Variants in UNC80 observed in about 807,000 individuals in gnomAD.
The protein encoded by UNC80 is protein unc-80 homolog.
Under a neutral mutation model 384.6 loss-of-function variants are expected in UNC80, and 164 were observed. That is an observed-to-expected ratio of 0.43 (90% CI 0.38 to 0.49). UNC80 has a LOEUF of 0.49. Ranked by LOEUF, UNC80 falls within the 20% of genes least tolerant of loss-of-function variation. The probability of loss-of-function intolerance (pLI) is 0.00; values close to 1 mark genes in which losing one functional copy is unlikely to be tolerated. For synonymous variants in UNC80, 1,486 were observed against 1,527.8 expected (o/e 0.97, Z 0.64); for missense variants, 3,330 against 4,143.0 (o/e 0.80, Z 5.39).
chr2:209,924,473 G>C (rs1300355233), intron 35 of UNC80, among the ~76,000 whole-genome samples: 3 of 152,064 alleles, frequency 2.0e-5, no homozygotes, highest in African/African-American at 7.2e-5. Flanking sequence ...GTGTGTTGAG[G>C]CACATCTTCA....
At chr2:209,951,032 G>T (rs920065084) in intron 47 of UNC80, among the ~76,000 whole-genome samples, 9 of 151,958 alleles carry the variant, frequency 5.9e-5, no homozygotes, top group Admixed American at 2.0e-4. Context: ...AATTAGCGGG[G>T]CATGGTGGTG....
chr2:209,841,561 A>C (rs1359534456), intron 20 of UNC80, among the ~76,000 whole-genome samples: 1 of 152,100 alleles, frequency 6.6e-6, no homozygotes, highest in Admixed American at 6.6e-5. Flanking sequence ...CATGTTGGCC[A>C]GGATGGTCTC....
chr2:209,831,580 C>T lies in UNC80; in HGVS notation c.2764C>T (p.Pro922Ser), dbSNP rs545458057. 3.9e-5 allele frequency: 60 copies of T among 1,542,926 alleles called. 1 individual carries two copies. The South Asian group carries it at 6.7e-4, about 17-fold the overall frequency. ...TTCAACCACACATGAATTGCACAGC[C>T]CTGAGAATCTGGTGAGAAGCTCTCC... ...CASTTHELHS[P>S]ENLGLYCDIR... Residue 922 changes from proline (P) to serine (S), a missense_variant, in exon 16 of 65, where the codon CCT (proline) becomes TCT (serine). Around this residue, in one of 8 missense-constraint regions of UNC80, gnomAD observed 937 missense variants for 1,026.8 expected, o/e 0.91. Transcript: ENST00000673920.
chr2:209,808,801 AC>A, intron 7 of UNC80: 1 of 25,142 alleles, frequency 4.0e-5, no homozygotes, highest in Non-Finnish European at 6.5e-5. Flanking sequence ...TGCCTCTGCC[AC>A]CATGCCGCGC....
chr2:209,786,056 T>TC lies in UNC80; in HGVS notation c.601-4dup, dbSNP rs747233104. The TC allele has an allele frequency of 3.1e-6, 5 of 1,612,256 alleles. No individual in the cohort carries two copies. Among genetic ancestry groups the TC allele is most frequent in the East Asian group, 2.2e-5 (1 of 44,836 alleles). ...CAGTTATTGGACATATATCTTCTCC[T>TC]CCCCCCTAGGAATCTGACCTCACCT... On this transcript the variant is annotated splice_polypyrimidine_tract_variant and intron_variant, in intron 4 of 64. Coordinates refer to ENST00000673920, the MANE Select transcript of UNC80 (RefSeq NM_001371986.1).
At chr2:209,938,698 CTCTCTCTCTCTCTG>C (rs1363186934) in intron 42 of UNC80, among the ~76,000 whole-genome samples, 8 of 150,590 alleles carry the variant, frequency 5.3e-5, no homozygotes, top group African/African-American at 2.0e-4. Context: ...CTCTCTCTCT[CTCTCTCTCTCTCTG>C]TGTGTGTGTG....
chr2:209,968,424 C>T lies in UNC80; in HGVS notation c.8006+787C>T, dbSNP rs1276223569. ...GTGACTCCTTCCCAAGAATTTATAG[C>T]ACTTAATGTTCAATTCATCAGAATT... On this transcript the variant is annotated intron_variant, in intron 52 of 64. Coordinates refer to ENST00000673920, the MANE Select transcript of UNC80 (RefSeq NM_001371986.1). 3.9e-5 allele frequency: 6 copies of T among 152,094 alleles called. No homozygotes were observed. In the South Asian group the frequency reaches 1.2e-3, roughly 32 times the overall value. The allele number at this position is 152,094 out of a possible 1,614,324, so 9.4% of individuals were successfully genotyped here.
At chr2:209,842,203 C>T (rs2124822675) in intron 20 of UNC80, 147 bp from the exon 21 acceptor site, 1 of 596,434 alleles carries the variant, frequency 1.7e-6, no homozygotes, top group Non-Finnish European at 2.9e-6. Context: ...CACTGATGAC[C>T]AAACTAACCA....
At chr2:209,852,645 G>A (rs929303210) in intron 22 of UNC80, among the ~76,000 whole-genome samples, 1 of 152,076 alleles carries the variant, frequency 6.6e-6, no homozygotes, top group Non-Finnish European at 1.5e-5. Flanking sequence ...TATGTCGTAC[G>A]TGCTTGAATC....
At chr2:209,922,214 A>T (rs1485917739) in intron 34 of UNC80, 38 bp from the exon 35 acceptor site, 3 of 1,550,266 alleles carry the variant, frequency 1.9e-6, no homozygotes, top group South Asian at 2.4e-5. Context: ...CTCTTTTGTT[A>T]TAAAGCCAAA....
At chr2:209,869,333 C>T (rs893124807) in intron 22 of UNC80, 1 of 152,168 alleles carries the variant, frequency 6.6e-6, no homozygotes, top group African/African-American at 2.4e-5. Flanking sequence ...AATCAATACT[C>T]TCTAAACTAC....
Position 209,786,137 on chromosome 2 carries a change from C to G in UNC80, c.672C>G (p.Pro224=), listed in dbSNP as rs76851741. 6.2e-7 allele frequency: 1 copy of G among 1,613,992 alleles called. No homozygotes were observed. The highest frequency in any genetic ancestry group is 8.5e-7 in the Non-Finnish European group (1 of 1,179,940). The change falls in exon 5 of 65, where the codon CCC becomes CCG. Residue 224 remains proline, a synonymous_variant. Transcript: ENST00000673920. ...AGCCCATGTGGGAACACAGACAGCC[C>G]GGAGTCTCTGGCTTTACCGCACTGG... ...IWQPMWEHRQ[P]GVSGFTALVK...
chr2:209,833,186 C>T (rs2081106602), intron 16 of UNC80, among the ~76,000 whole-genome samples: 1 of 151,516 alleles, frequency 6.6e-6, no homozygotes, highest in South Asian at 2.1e-4. Context: ...CATAATTGTC[C>T]CAGTGGTCTC....
intron 28 of UNC80, among the ~76,000 whole-genome samples, chr2:209,903,530 A>AT: frequency 2.6e-3 from 1 of 380 alleles, no homozygotes; most frequent in African/African-American, 5.9e-3. Flanking sequence ...TATACTATAT[A>AT]TATTATATAT....
At chr2:209,937,359 G>A (rs763638393) in intron 41 of UNC80, among the ~76,000 whole-genome samples, 170 bp from the exon 42 acceptor site, 7 of 152,162 alleles carry the variant, frequency 4.6e-5, no homozygotes, top group Non-Finnish European at 7.3e-5. Context: ...CAGGATGCTC[G>A]CTGACATCAC....
chr2:209,794,850 T>TA (rs1268410556), intron 7 of UNC80: 10 of 448,146 alleles, frequency 2.2e-5, no homozygotes, highest in Non-Finnish European at 4.0e-5. Context: ...TGTGGAACTG[T>TA]AACTCCAATT....
At chr2:209,903,216 A>G (rs1030871548) in intron 28 of UNC80, among the ~76,000 whole-genome samples, 5 of 147,574 alleles carry the variant, frequency 3.4e-5, no homozygotes, top group Non-Finnish European at 7.4e-5. Flanking sequence ...ATATTTTGGA[A>G]TATTTTTGAT....
chr2:209,897,581 A>C (rs951668956), intron 28 of UNC80, among the ~76,000 whole-genome samples: 48 of 152,222 alleles, frequency 3.2e-4, no homozygotes, highest in African/African-American at 1.1e-3. Flanking sequence ...ATTTAAAAAA[A>C]AACTTCCAAA....
intron 61 of UNC80, among the ~76,000 whole-genome samples, chr2:209,990,133 G>A (rs879697243): frequency 4.6e-5 from 7 of 152,078 alleles, no homozygotes; most frequent in Non-Finnish European, 7.4e-5. Flanking sequence ...TCCTCTCCTG[G>A]AATAATCATC....
Sources: allele counts gnomAD v4.1 joint callset (sites outside exome capture counted in the v4.1 genomes callset), GRCh38; gene constraint gnomAD v4.1.1; regional missense constraint gnomAD v4.1.1; transcripts MANE v1.5; gene names NCBI Gene and HGNC (gene_info 2026-07-23, HGNC 2026-07-21).